BPTF: variants seen among roughly 807,000 people sequenced by gnomAD.
BPTF encodes the protein nucleosome-remodeling factor subunit BPTF.
A neutral mutation model predicts 292.5 loss-of-function variants in BPTF; 18 were observed. That is an observed-to-expected ratio of 0.06 (90% CI 0.04 to 0.09). The LOEUF is 0.09. Among genes scored for constraint, BPTF ranks in the 10% least tolerant of loss-of-function variants. The pLI is 1.00. For missense variants in BPTF, 2,726 were observed against 3,498.7 expected, an observed-to-expected ratio of 0.78 and a Z score of 5.57; for synonymous variants, 1,225 against 1,251.9, an observed-to-expected ratio of 0.98 and a Z score of 0.45.
chr17:67,867,228 C>T (rs1392351852), intron 3 of BPTF, among the ~76,000 whole-genome samples: 1 of 152,144 alleles, frequency 6.6e-6, no homozygotes, highest in Non-Finnish European at 1.5e-5. Flanking sequence ...TACTGATATT[C>T]CCCAACATGT....
At chr17:67,894,192 G>A in intron 7 of BPTF, 27 bp downstream of exon 7, 1 of 1,610,846 alleles carries the variant, frequency 6.2e-7, no homozygotes, top group East Asian at 2.2e-5. Flanking sequence ...CCTTGTAAAT[G>A]ATGAGTATTG....
At chr17:67,882,206 A>AT (rs550571861) in intron 4 of BPTF, among the ~76,000 whole-genome samples, 3 of 150,420 alleles carry the variant, frequency 2.0e-5, no homozygotes, top group South Asian at 4.2e-4. Context: ...ACTTGGAATC[A>AT]TTTTTTTTTC....
Position 67,852,315 on chromosome 17 carries a change from A to G in BPTF, c.614-1625A>G, listed in dbSNP as rs1489067518. Reference sequence around the variant, plus strand: ...AAAATTTTATAACGAAAATACATGTATGAATTATTTTTTAAAGTATAAAAA... The same window carrying G: ...AAAATTTTATAACGAAAATACATGTGTGAATTATTTTTTAAAGTATAAAAA... On this transcript the variant is annotated intron_variant, in intron 1 of 27. Coordinates refer to ENST00000306378, the MANE Select transcript of BPTF (RefSeq NM_182641.4). 4.6e-5 allele frequency among the ~76,000 whole-genome samples: 7 copies of G among 152,136 alleles called. 1 individual carries two copies. Among genetic ancestry groups the G allele is most frequent in the Admixed American group, 2.0e-4 (3 of 15,258 alleles).
intron 1 of BPTF, among the ~76,000 whole-genome samples, chr17:67,847,316 A>C (rs1234688966): frequency 6.6e-6 from 1 of 151,784 alleles, no homozygotes; most frequent in African/African-American, 2.4e-5. Flanking sequence ...GGAGTTCGAG[A>C]CCAGCCTGGC....
intron 8 of BPTF, 118 bp downstream of exon 8, chr17:67,904,036 T>G (rs1327015828): frequency 1.0e-6 from 1 of 967,672 alleles, no homozygotes; most frequent in Admixed American, 3.1e-5. Context: ...ATTTATTTAT[T>G]TATTTATTTT....
chr17:67,912,761 C>A lies in BPTF; in HGVS notation c.4877C>A (p.Thr1626Lys), dbSNP rs749199168. 2 of 1,614,138 alleles carry A rather than the reference C, an allele frequency of 1.2e-6. No individual in the cohort carries two copies. The highest frequency in any genetic ancestry group is 1.1e-5 in the South Asian group (1 of 91,082). ...STENCAKSTV[T>K]TTTTTVTKLS... ...GAAAATTGTGCAAAATCCACTGTCA[C>A]AACCACCACTACAACAGTGACCAAG... Residue 1626 changes from threonine (T) to lysine (K), a missense_variant, in exon 11 of 28, where the codon ACA becomes AAA. This residue lies in a region of BPTF where 144 missense variants were observed against 177.2 expected (regional missense o/e 0.81). Transcript: ENST00000306378.
intron 23 of BPTF, among the ~76,000 whole-genome samples, chr17:67,953,544 C>G (rs1555679430): frequency 2.0e-5 from 3 of 151,468 alleles, no homozygotes; most frequent in African/African-American, 7.3e-5. Context: ...AGGCGTGAGC[C>G]ACCATGCCCG....
At chr17:67,842,277 CATG>C (rs1438532452) in intron 1 of BPTF, among the ~76,000 whole-genome samples, 6 of 152,102 alleles carry the variant, frequency 3.9e-5, no homozygotes, top group South Asian at 2.1e-4. Flanking sequence ...ACAATGCATG[CATG>C]ATACCTTTGG....
intron 23 of BPTF, among the ~76,000 whole-genome samples, chr17:67,954,890 C>T (rs1421561570): frequency 3.9e-5 from 6 of 152,164 alleles, no homozygotes; most frequent in African/African-American, 1.4e-4. Context: ...AATAATTTGT[C>T]ACCTGACTTC....
chr17:67,857,145 A>G (rs1480866131), intron 2 of BPTF, among the ~76,000 whole-genome samples: 2 of 142,046 alleles, frequency 1.4e-5, no homozygotes, highest in East Asian at 4.2e-4. Context: ...TTCGTCTTTA[A>G]CAATTTTTTT....
chr17:67,828,260 C>G (rs2056302626), intron 1 of BPTF, among the ~76,000 whole-genome samples: 1 of 151,966 alleles, frequency 6.6e-6, no homozygotes, highest in Admixed American at 6.6e-5. Flanking sequence ...TAATTTTTAC[C>G]TTAAGAAATC....
At chr17:67,903,519 A>G (rs2061988521) in intron 7 of BPTF, among the ~76,000 whole-genome samples, 1 of 152,248 alleles carries the variant, frequency 6.6e-6, no homozygotes, top group African/African-American at 2.4e-5. Context: ...AAATGTTGGT[A>G]TATACCATAT....
intron 16 of BPTF, chr17:67,928,913 G>A (rs1598729497): frequency 8.5e-7 from 1 of 1,178,404 alleles, no homozygotes; most frequent in Non-Finnish European, 1.1e-6. Flanking sequence ...CTACGTTGCT[G>A]GTTATTTTAA....
intron 1 of BPTF, among the ~76,000 whole-genome samples, chr17:67,830,704 C>G (rs542380462): frequency 6.6e-6 from 1 of 152,098 alleles, no homozygotes; most frequent in African/African-American, 2.4e-5. Flanking sequence ...TCAAGTAACT[C>G]GGTTTAGCAA....
intron 15 of BPTF, among the ~76,000 whole-genome samples, chr17:67,925,377 G>A (rs2063784083): frequency 1.3e-5 from 2 of 152,034 alleles, no homozygotes. Context: ...TAAATAATGT[G>A]CCATGGCCAG....
At chr17:67,945,339 T>C in intron 20 of BPTF, 70 bp from the exon 21 acceptor site, 1 of 1,541,380 alleles carries the variant, frequency 6.5e-7, no homozygotes, top group Non-Finnish European at 8.7e-7. Flanking sequence ...GAAGATTTCC[T>C]TCAGATTCTT....
intron 1 of BPTF, among the ~76,000 whole-genome samples, chr17:67,849,590 G>A (rs1230585768): frequency 6.6e-6 from 1 of 151,976 alleles, no homozygotes; most frequent in Admixed American, 6.6e-5. Context: ...GATATAGGGA[G>A]GTGTTTCTCA....
At position 67,945,764 on chromosome 17, in the gene BPTF, T is replaced by C. The variant is rs782174369; in HGVS notation, c.7056T>C (p.Arg2352=). Residue 2352 remains arginine, a synonymous_variant, in exon 21 of 28, where the codon CGT becomes CGC. Coordinates refer to ENST00000306378, the MANE Select transcript of BPTF (RefSeq NM_182641.4). ...AAAGTCCATCACAGACTCGAATACG[T>C]CCATCAACTCCATCCCAACTGTCTC... ...RVQSPSQTRI[R]PSTPSQLSPG... The C allele has an allele frequency of 3.1e-6, 5 of 1,613,998 alleles. No individual in the cohort carries two copies. In the East Asian group the frequency reaches 1.1e-4, roughly 36 times the overall value.
At chr17:67,880,954 TATATACAC>T (rs889601002) in intron 4 of BPTF, among the ~76,000 whole-genome samples, 2 of 98,698 alleles carry the variant, frequency 2.0e-5, no homozygotes, top group African/African-American at 5.3e-5. Flanking sequence ...ATATTATATA[TATATACAC>T]ACACACACAC....
Sources: gnomAD v4.1 joint callset for allele counts (sites outside exome capture counted in the v4.1 genomes callset) on GRCh38, gnomAD v4.1.1 for gene constraint, gnomAD v4.1.1 regional missense constraint, MANE v1.5 for transcripts, NCBI Gene and HGNC (gene_info 2026-07-23, HGNC 2026-07-21) for gene names.